Variants in ITSN1 observed in about 807,000 individuals in gnomAD.
ITSN1 encodes intersectin-1.
Under a neutral mutation model 239.8 loss-of-function variants are expected in ITSN1, and 58 were observed. That is an observed-to-expected ratio of 0.24 (90% CI 0.20 to 0.30). The LOEUF (loss-of-function observed/expected upper bound fraction) is 0.30, where lower values mean the gene tolerates loss of function less well. Among genes scored for constraint, ITSN1 ranks in the 10% least tolerant of loss-of-function variants. ITSN1 has a pLI of 1.00. For missense variants in ITSN1, 1,558 were observed against 2,103.3 expected, an observed-to-expected ratio of 0.74 and a Z score of 5.07; for synonymous variants, 780 against 770.8, an observed-to-expected ratio of 1.01 and a Z score of -0.20.
At chr21:33,829,283 A>C (rs535389727) in intron 26 of ITSN1, 1 of 344,384 alleles carries the variant, frequency 2.9e-6, no homozygotes, top group East Asian at 7.3e-5. Context: ...CCTTGGCCTC[A>C]GGGCATTCTG....
chr21:33,856,968 A>T, intron 30 of ITSN1, 111 bp downstream of exon 30: 1 of 1,041,676 alleles, frequency 9.6e-7, no homozygotes, highest in Non-Finnish European at 1.4e-6. Context: ...AAACTTTCTG[A>T]TGTTTGAGGA....
intron 35 of ITSN1, 117 bp from the exon 36 acceptor site, chr21:33,883,433 T>A: frequency 7.2e-7 from 1 of 1,388,890 alleles, no homozygotes. Flanking sequence ...ACACACGCGC[T>A]GACTTGCAGT....
intron 5 of ITSN1, among the ~76,000 whole-genome samples, chr21:33,742,254 A>T (rs1453346818): frequency 6.6e-6 from 1 of 151,766 alleles, no homozygotes; most frequent in African/African-American, 2.4e-5. Context: ...ACGGGGTTTC[A>T]CCATGTTGGC....
At chr21:33,765,512 C>G (rs1351139279) in intron 9 of ITSN1, among the ~76,000 whole-genome samples, 1 of 152,068 alleles carries the variant, frequency 6.6e-6, no homozygotes, top group African/African-American at 2.4e-5. Flanking sequence ...GAGCTGTGAT[C>G]ATGACTGCAG....
chr21:33,737,826 A>T (rs1019644745), intron 5 of ITSN1, among the ~76,000 whole-genome samples: 7 of 152,098 alleles, frequency 4.6e-5, no homozygotes, highest in Non-Finnish European at 1.0e-4. Flanking sequence ...CACCCACCTC[A>T]GCCTCCCAAA....
intron 1 of ITSN1, among the ~76,000 whole-genome samples, chr21:33,688,305 G>C (rs2091346471): frequency 2.0e-5 from 3 of 152,068 alleles, no homozygotes; most frequent in Admixed American, 1.3e-4. Context: ...TTTGGTATTT[G>C]TCTCTTTCGG....
chr21:33,845,065 T>C (rs1189670159), intron 29 of ITSN1, among the ~76,000 whole-genome samples: 3 of 151,534 alleles, frequency 2.0e-5, no homozygotes, highest in Non-Finnish European at 4.4e-5. Context: ...GGCCTGGTCA[T>C]AGGGCCGTGC....
chr21:33,695,152 C>T (rs2091739707), intron 1 of ITSN1, among the ~76,000 whole-genome samples: 1 of 152,196 alleles, frequency 6.6e-6, no homozygotes, highest in Admixed American at 6.5e-5. Flanking sequence ...CTATGATACG[C>T]TTTCCAAAGG....
intron 12 of ITSN1, among the ~76,000 whole-genome samples, chr21:33,773,269 A>G (rs62227752): frequency 0.042 from 6,398 of 152,086 alleles, 288 homozygotes; most frequent in Non-Finnish European, 0.05. Context: ...CAGCCTCCCA[A>G]AGTGCTGGGA....
In ITSN1 at chr21:33,814,152, T is replaced by C. The variant is rs796387583; in HGVS notation, c.2727+80T>C. 2.2e-5 allele frequency: 32 copies of C among 1,485,988 alleles called. No homozygotes were observed. The African/African-American group carries it at 4.0e-4, about 19-fold the overall frequency. 92.1% of individuals were successfully genotyped at this position (1,485,988 alleles called of 1,614,324 possible). On this transcript the variant is annotated intron_variant, in intron 22 of 39. Coordinates refer to ENST00000381318, the MANE Select transcript of ITSN1 (RefSeq NM_003024.3). ...CTTCAGCAAATGCTTTTTGGCAATG[T>C]CATTTTGAAGCAAGCCTTGTTATGT...
At chr21:33,774,571 T>C (rs1485552066) in intron 12 of ITSN1, 158 bp from the exon 13 acceptor site, 1 of 625,182 alleles carries the variant, frequency 1.6e-6, no homozygotes, top group Non-Finnish European at 2.8e-6. Context: ...GAAGGAATAC[T>C]GTATTTTTAT....
rs1986124092 is a variant in ITSN1, at chr21:33,888,571, C to T, written c.*271C>T. On this transcript the variant is annotated 3_prime_UTR_variant, in exon 40 of 40. Transcript: ENST00000381318. ...TTCTAGGGTCGCTGAAATCCCATAG[C>T]CCTCAACAGGGTGCAGCTGGGAGTC... is the stretch of plus-strand genomic sequence containing the variant. 1 of 326,404 alleles carries T rather than the reference C, an allele frequency of 3.1e-6. No homozygotes were observed. The highest frequency in any genetic ancestry group is 6.3e-5 in the South Asian group (1 of 15,964). The allele number at this position is 326,404 out of a possible 1,614,324, so 20.2% of individuals were successfully genotyped here. A position where few individuals can be genotyped will look rare whatever the true frequency, so the allele number is the denominator to read the frequency against.
At chr21:33,662,297 T>G in intron 1 of ITSN1, among the ~76,000 whole-genome samples, 1 of 152,238 alleles carries the variant, frequency 6.6e-6, no homozygotes, top group East Asian at 1.9e-4. Flanking sequence ...ACTGAACTTT[T>G]GGCTCTACCT....
intron 21 of ITSN1, among the ~76,000 whole-genome samples, chr21:33,812,483 T>G (rs1396086875): frequency 6.6e-6 from 1 of 152,226 alleles, no homozygotes. Flanking sequence ...GACATGTTTA[T>G]CTAAAATTAT....
At chr21:33,670,460 C>G (rs547558206) in intron 1 of ITSN1, among the ~76,000 whole-genome samples, 1 of 151,608 alleles carries the variant, frequency 6.6e-6, no homozygotes, top group East Asian at 1.9e-4. Flanking sequence ...AGTTAGTATA[C>G]ATAGCTTTTT....
chr21:33,811,270 A>G lies in ITSN1; in HGVS notation c.2567+48A>G, dbSNP rs774229945. 3.3e-6 allele frequency: 5 copies of G among 1,510,288 alleles called. No individual in the cohort carries two copies. In the South Asian group the frequency reaches 6.6e-5, roughly 20 times the overall value. The allele number at this position is 1,510,288 out of a possible 1,614,324, so 93.6% of individuals were successfully genotyped here. On this transcript the variant is annotated intron_variant, in intron 21 of 39. Coordinates refer to ENST00000381318, the MANE Select transcript of ITSN1 (RefSeq NM_003024.3). ...TGATGATTTTTGAAATCCCAATTTGATCATTTCCCCCCCACCCCCTTAAGT... is the reference window on the plus strand; with the variant it reads ...TGATGATTTTTGAAATCCCAATTTGGTCATTTCCCCCCCACCCCCTTAAGT...
rs572461271 is a variant in ITSN1 at position 33,845,498 on chromosome 21, C to T, written c.3661+8866C>T. 5.9e-5 allele frequency among the ~76,000 whole-genome samples: 9 copies of T among 152,238 alleles called. No homozygotes were observed. The South Asian group carries it at 8.3e-4, about 14-fold the overall frequency. ...ATCATCCAGGGGATTCCCGGTCCTC[C>T]GAGATAAAAGACCCGAATCTACTTG... On this transcript the variant is annotated intron_variant, in intron 29 of 39. Transcript: ENST00000381318.
intron 39 of ITSN1, among the ~76,000 whole-genome samples, chr21:33,886,699 G>A (rs997783874): frequency 4.6e-5 from 7 of 152,160 alleles, no homozygotes; most frequent in South Asian, 4.1e-4. Flanking sequence ...GGGCAAACAC[G>A]TCCATCTTCT....
intron 31 of ITSN1, among the ~76,000 whole-genome samples, chr21:33,863,693 A>T (rs1364282086): frequency 6.6e-6 from 1 of 152,234 alleles, no homozygotes. Context: ...TGTTAAAAAA[A>T]CTACTCCTCA....
Sources: gnomAD v4.1 joint callset for allele counts (sites outside exome capture counted in the v4.1 genomes callset) on GRCh38, gnomAD v4.1.1 for gene constraint, MANE v1.5 for transcripts, NCBI Gene and HGNC (gene_info 2026-07-23, HGNC 2026-07-21) for gene names.